Variants in CABIN1 observed in about 807,000 individuals in gnomAD.
CABIN1 encodes the protein calcineurin binding protein 1.
Under a neutral mutation model 227.7 loss-of-function variants are expected in CABIN1, and 133 were observed. The observed-to-expected ratio is 0.58, with a 90% CI of 0.51 to 0.67. CABIN1 has a LOEUF of 0.67. Ranked by LOEUF, CABIN1 falls within the 30% of genes least tolerant of loss-of-function variation. CABIN1 has a pLI of 0.00. For missense variants in CABIN1, 2,408 were observed against 2,852.5 expected (o/e 0.84, Z 3.55); for synonymous variants, 1,086 against 1,155.1 (o/e 0.94, Z 1.21).
intron 31 of CABIN1, among the ~76,000 whole-genome samples, chr22:24,166,263 C>T (rs2046440957): frequency 6.6e-6 from 1 of 152,218 alleles, no homozygotes; most frequent in South Asian, 2.1e-4. Flanking sequence ...GGCAGGTCCC[C>T]TCCCATAAAA....
chr22:24,030,890 A>C (rs2036445151), intron 1 of CABIN1, among the ~76,000 whole-genome samples: 1 of 152,176 alleles, frequency 6.6e-6, no homozygotes, highest in African/African-American at 2.4e-5. Flanking sequence ...ACTTGCACCT[A>C]CCATAGTCCT....
rs373939638 is a variant in CABIN1 at position 24,164,490 on chromosome 22, C to T, written c.4837C>T (p.Leu1613=). The change falls in exon 30 of 37, where the codon CTG becomes TTG. Residue 1613 remains leucine (L), a synonymous_variant. Transcript: ENST00000263119. ...NRSIVLLLKV[L]AQLRDHSTLL... ...CTCCATCGTGCTGCTGCTCAAGGTG[C>T]TGGCCCAGCTGCGGGACCACAGCAC... The T allele has an allele frequency of 6.4e-5, 103 of 1,606,200 alleles. No homozygotes were observed. Among genetic ancestry groups the T allele is most frequent in the Non-Finnish European group, 8.6e-5 (102 of 1,179,980 alleles).
intron 26 of CABIN1, among the ~76,000 whole-genome samples, chr22:24,099,452 T>C (rs2042083374): frequency 6.6e-6 from 1 of 152,022 alleles, no homozygotes; most frequent in Non-Finnish European, 1.5e-5. Flanking sequence ...TCCTGGAAGG[T>C]TCATGTCATT....
chr22:24,175,779 C>T (rs1009975268), intron 34 of CABIN1: 7 of 454,444 alleles, frequency 1.5e-5, no homozygotes, highest in Admixed American at 6.9e-5. Flanking sequence ...CACTGCCCCC[C>T]CATCCCCTCT....
At chr22:24,070,368 C>T (rs2039998964) in intron 16 of CABIN1, among the ~76,000 whole-genome samples, 1 of 152,244 alleles carries the variant, frequency 6.6e-6, no homozygotes, top group South Asian at 2.1e-4. Context: ...GGCTCAGGCC[C>T]TCCTCCGCTG....
At chr22:24,169,249 C>G (rs973327473) in intron 33 of CABIN1, among the ~76,000 whole-genome samples, 10 of 152,122 alleles carry the variant, frequency 6.6e-5, no homozygotes, top group Non-Finnish European at 1.2e-4. Context: ...CATAAGCCTC[C>G]AAGCCAGAGG....
At chr22:24,029,380 T>A (rs2036328831) in intron 1 of CABIN1, among the ~76,000 whole-genome samples, 1 of 152,060 alleles carries the variant, frequency 6.6e-6, no homozygotes, top group Non-Finnish European at 1.5e-5. Context: ...AAACCCCGTC[T>A]CTACAAAAAA....
At chr22:24,017,595 A>T (rs367828440) in intron 1 of CABIN1, among the ~76,000 whole-genome samples, 8 of 152,266 alleles carry the variant, frequency 5.3e-5, no homozygotes, top group African/African-American at 1.7e-4. Flanking sequence ...TCTTTTTATG[A>T]CTGGCTTATT....
chr22:24,087,484 G>A lies in CABIN1; in HGVS notation c.3296G>A (p.Arg1099Gln). ...FDSWAGMALARASRIQDKLNS... is the reference protein window; with the variant it reads ...FDSWAGMALAQASRIQDKLNS... ...TCCTGGGCAGGCATGGCTCTGGCCC[G>A]GGCCAGCCGCATTCAGGACAAGCTG... The change falls in exon 23 of 37, where the codon CGG becomes CAG. Residue 1099 changes from arginine (R) to glutamine (Q), a missense_variant. This residue lies in a region of CABIN1 where 649 missense variants were observed against 910.3 expected (regional missense o/e 0.71). Transcript: ENST00000263119. The A allele has an allele frequency of 2.5e-6, 4 of 1,614,032 alleles. No homozygotes were observed. Among genetic ancestry groups the A allele is most frequent in the Non-Finnish European group, 3.4e-6 (4 of 1,180,034 alleles).
chr22:24,097,278 C>T (rs1297055109), intron 25 of CABIN1, among the ~76,000 whole-genome samples: 8 of 152,188 alleles, frequency 5.3e-5, no homozygotes, highest in Non-Finnish European at 1.0e-4. Context: ...GACAGATCTC[C>T]TTCCAAGAGT....
intron 29 of CABIN1, 86 bp from the exon 30 acceptor site, chr22:24,164,314 C>T: frequency 6.5e-7 from 1 of 1,544,908 alleles, no homozygotes; most frequent in Non-Finnish European, 8.8e-7. Context: ...GGCACTGTGG[C>T]AGTTTCCAGG....
rs2047179560 is a variant in CABIN1 at position 24,177,450 on chromosome 22, GCTCA to G, written c.6206-51_6206-48del. ...GGAGCGGGTGGGGGCGAGATAAAGT[GCTCA>G]CTGTGTGATGCGGCAGGCAGGAAGT... On this transcript the variant is annotated intron_variant, in intron 35 of 36. Transcript: ENST00000263119. This position sits in a 1 kb window ranked among gnomAD's most constrained non-coding sequence, Gnocchi z 4.4. The G allele has an allele frequency of 7.0e-7, 1 of 1,432,654 alleles. No homozygotes were observed. The highest frequency in any genetic ancestry group is 1.4e-5 in the African/African-American group (1 of 70,206). 88.7% of individuals were successfully genotyped at this position (1,432,654 alleles called of 1,614,324 possible).
intron 1 of CABIN1, among the ~76,000 whole-genome samples, chr22:24,020,497 T>A (rs1249883099): frequency 1.3e-5 from 2 of 151,846 alleles, no homozygotes; most frequent in Non-Finnish European, 2.9e-5. Flanking sequence ...AATTTTAAAA[T>A]TTTTTTTGTA....
chr22:24,157,076 G>T (rs1163444462), intron 29 of CABIN1, among the ~76,000 whole-genome samples: 1 of 152,216 alleles, frequency 6.6e-6, no homozygotes, highest in Non-Finnish European at 1.5e-5. Flanking sequence ...GGGGGGTGGG[G>T]TGTAGGAGTG....
At chr22:24,060,480 ATG>A (rs2039109738) in intron 12 of CABIN1, among the ~76,000 whole-genome samples, 1 of 151,726 alleles carries the variant, frequency 6.6e-6, no homozygotes, top group African/African-American at 2.4e-5. Flanking sequence ...TAGACATGGG[ATG>A]TGTGAGGGAA....
At chr22:24,091,944 A>G (rs1349846879) in intron 24 of CABIN1, 101 bp downstream of exon 24, 2 of 1,444,226 alleles carry the variant, frequency 1.4e-6, no homozygotes, top group Admixed American at 1.8e-5. Context: ...CCGTCCTTCA[A>G]CCTGCCGCAA....
intron 29 of CABIN1, among the ~76,000 whole-genome samples, chr22:24,144,025 G>T (rs758450705): frequency 5.3e-5 from 8 of 152,194 alleles, no homozygotes; most frequent in Non-Finnish European, 1.0e-4. Context: ...AGCAGCAATT[G>T]CCAGTATTCC....
chr22:24,029,594 ATACAG>A (rs2146797424), intron 1 of CABIN1, among the ~76,000 whole-genome samples: 1 of 152,122 alleles, frequency 6.6e-6, no homozygotes, highest in African/African-American at 2.4e-5. Flanking sequence ...AAAGGGGATT[ATACAG>A]TACATGTTCA....
intron 6 of CABIN1, among the ~76,000 whole-genome samples, chr22:24,044,711 C>T (rs555324802): frequency 5.3e-5 from 8 of 152,292 alleles, no homozygotes; most frequent in South Asian, 2.1e-4. Context: ...AGAACATAGA[C>T]GTAATTCAGC....
Sources: allele counts gnomAD v4.1 joint callset (sites outside exome capture counted in the v4.1 genomes callset), GRCh38; gene constraint gnomAD v4.1.1; regional missense constraint gnomAD v4.1.1; non-coding constraint Gnocchi (gnomAD v3.1); transcripts MANE v1.5; gene names NCBI Gene and HGNC (gene_info 2026-07-23, HGNC 2026-07-21).